GNB1L: variants seen among roughly 807,000 people sequenced by gnomAD.
GNB1L encodes guanine nucleotide-binding protein subunit beta-like protein 1.
A neutral mutation model predicts 29.1 loss-of-function variants in GNB1L; 20 were observed. The ratio of observed to expected loss-of-function variants is 0.69; its 90% CI spans 0.48 to 1.00. GNB1L has a LOEUF of 1.00. Among genes scored for constraint, GNB1L ranks in the 50% least tolerant of loss-of-function variants. The pLI is 0.00. For synonymous variants in GNB1L, 193 were observed against 206.5 expected (o/e 0.93, Z 0.56); for missense variants, 421 against 464.9 (o/e 0.91, Z 0.87).
In GNB1L at chr22:19,802,135, C is replaced by A. The variant is rs372247382; in HGVS notation, c.598G>T (p.Val200Leu). The change falls in exon 7 of 8, where the codon GTG (valine) becomes TTG (leucine). Residue 200 changes from valine to leucine, a missense_variant. By Grantham distance (32) the Val-to-Leu change is conservative. Coordinates refer to ENST00000329517, the MANE Select transcript of GNB1L (RefSeq NM_053004.3). The part of the protein sequence containing the change: ...VVLWDVSEQK[V>L]CSRIACHEEP... ...TCATGGCAGGCGATGCGGCTGCACA[C>A]CTTCTGCTCAGAGACGTCCCACAGG... 2.5e-5 allele frequency: 40 copies of A among 1,613,340 alleles called. No homozygotes were observed. The African/African-American group carries it at 5.2e-4, about 21-fold the overall frequency.
rs1938073460 is a variant in GNB1L, at chr22:19,850,696, CAG to C, written c.-21+3745_-21+3746del. ...CAGCTGGGACAGAAGTCACAGGGAG[CAG>C]AGAGGGTGGGGCTAGGGGGACAGAC... On this transcript the variant is annotated intron_variant, in intron 2 of 7. Transcript: ENST00000329517. The C allele has an allele frequency of 4.1e-6, 5 of 1,233,360 alleles. No homozygotes were observed. In the South Asian group the frequency reaches 2.1e-4, roughly 52 times the overall value. The allele number at this position is 1,233,360 out of a possible 1,614,324, so 76.4% of individuals were successfully genotyped here. A position where few individuals can be genotyped will look rare whatever the true frequency, so the allele number is the denominator to read the frequency against.
At chr22:19,840,930 G>A (rs779388375) in intron 2 of GNB1L, among the ~76,000 whole-genome samples, 2 of 152,164 alleles carry the variant, frequency 1.3e-5, no homozygotes, top group East Asian at 1.9e-4. Context: ...AACAAATCCC[G>A]GTGGAGGAAC....
chr22:19,799,630 C>G (rs1937346111), intron 7 of GNB1L, among the ~76,000 whole-genome samples: 1 of 152,252 alleles, frequency 6.6e-6, no homozygotes, highest in Non-Finnish European at 1.5e-5. Context: ...GGAGACTGAT[C>G]TGGGCTCATC....
chr22:19,799,447 C>T (rs1937343177), intron 7 of GNB1L, among the ~76,000 whole-genome samples: 2 of 152,236 alleles, frequency 1.3e-5, no homozygotes, highest in African/African-American at 2.4e-5. Flanking sequence ...CTGGCCAAGC[C>T]CCAGCCTGGA....
intron 2 of GNB1L, among the ~76,000 whole-genome samples, chr22:19,842,818 C>T (rs1937885067): frequency 6.6e-6 from 1 of 152,220 alleles, no homozygotes; most frequent in Admixed American, 6.5e-5. Context: ...TGTCACCTGG[C>T]CTGGGAAGGA....
At chr22:19,802,246 T>C (rs901814437) in intron 6 of GNB1L, 30 bp from the exon 7 acceptor site, 3 of 1,574,402 alleles carry the variant, frequency 1.9e-6, no homozygotes, top group African/African-American at 1.3e-5. Context: ...AGTCAGCTCC[T>C]GGAAGGACCC....
intron 4 of GNB1L, among the ~76,000 whole-genome samples, chr22:19,818,092 A>C (rs1442909750): frequency 6.6e-6 from 1 of 152,196 alleles, no homozygotes; most frequent in African/African-American, 2.4e-5. Context: ...GTGCAGACGC[A>C]CCTGGCACTC....
chr22:19,796,750 C>A (rs963581966), intron 7 of GNB1L, among the ~76,000 whole-genome samples: 3 of 152,130 alleles, frequency 2.0e-5, no homozygotes, highest in Non-Finnish European at 4.4e-5. Context: ...GAAACAGGCT[C>A]CATGTGGGGC....
chr22:19,811,671 G>A (rs1366226501), intron 5 of GNB1L, among the ~76,000 whole-genome samples: 2 of 152,048 alleles, frequency 1.3e-5, no homozygotes, highest in African/African-American at 4.8e-5. Flanking sequence ...ACCTAACAGT[G>A]GCCTCCCTGC....
chr22:19,813,424 G>A (rs544481907), intron 4 of GNB1L, among the ~76,000 whole-genome samples: 1 of 152,200 alleles, frequency 6.6e-6, no homozygotes, highest in Non-Finnish European at 1.5e-5. Context: ...GTGGCTCAAC[G>A]CCTGTACTCA....
chr22:19,836,634 A>C (rs1046153149), intron 2 of GNB1L, among the ~76,000 whole-genome samples: 64 of 152,354 alleles, frequency 4.2e-4, no homozygotes, highest in African/African-American at 1.4e-3. Flanking sequence ...ACAAATCCTC[A>C]AACAAAATAA....
At chr22:19,849,033 A>C (rs2145903963) in intron 2 of GNB1L, 1 of 985,142 alleles carries the variant, frequency 1.0e-6, no homozygotes, top group Non-Finnish European at 1.2e-6. Context: ...AAAAGGGGGG[A>C]TGGGGCCTGA....
intron 6 of GNB1L, among the ~76,000 whole-genome samples, chr22:19,802,819 T>C (rs894118411): frequency 5.9e-5 from 9 of 152,242 alleles, no homozygotes; most frequent in Non-Finnish European, 1.2e-4. Context: ...GCCCGAGCTC[T>C]TGTGATGAAT....
chr22:19,831,220 C>T (rs778743286), intron 2 of GNB1L, among the ~76,000 whole-genome samples: 2 of 151,638 alleles, frequency 1.3e-5, no homozygotes, highest in Admixed American at 6.6e-5. Context: ...ATTATCTGGG[C>T]GCGGTGGCAA....
At chr22:19,851,875 A>G in intron 2 of GNB1L, 1 of 1,614,028 alleles carries the variant, frequency 6.2e-7, no homozygotes, top group Non-Finnish European at 8.5e-7. Context: ...GATAGTGCTC[A>G]AAGTGGAAGG....
rs73379924 is a variant in GNB1L at position 19,796,952 on chromosome 22, G to A, written c.732+5049C>T. 6.3e-3 allele frequency among the ~76,000 whole-genome samples: 965 copies of A among 152,242 alleles called. 11 individuals carry two copies. Among genetic ancestry groups the A allele is most frequent in the African/African-American group, 0.023 (939 of 41,532 alleles). ...AAAGCAGGGACGGAGCTTTGAATGC[G>A]GCAGAAATTTAAACAATCATCACAA... On this transcript the variant is annotated intron_variant, in intron 7 of 7. Coordinates refer to ENST00000329517, the MANE Select transcript of GNB1L (RefSeq NM_053004.3).
At chr22:19,846,670 G>A (rs1937968702) in intron 2 of GNB1L, 1 of 598,138 alleles carries the variant, frequency 1.7e-6, no homozygotes, top group Non-Finnish European at 2.1e-6. Context: ...GTAATTCAGG[G>A]TTAAATGAGG....
intron 2 of GNB1L, among the ~76,000 whole-genome samples, chr22:19,825,435 C>T (rs937248829): frequency 6.6e-6 from 1 of 151,506 alleles, no homozygotes; most frequent in Non-Finnish European, 1.5e-5. Context: ...GCCTGGGCAA[C>T]ATAGGGAGAC....
chr22:19,845,441 G>C (rs754016221), intron 2 of GNB1L, among the ~76,000 whole-genome samples: 55 of 152,354 alleles, frequency 3.6e-4, no homozygotes, highest in Non-Finnish European at 6.8e-4. Flanking sequence ...GGTGAGGTGG[G>C]CAGCGCAGGC....
Sources: allele counts gnomAD v4.1 joint callset (sites outside exome capture counted in the v4.1 genomes callset), GRCh38; gene constraint gnomAD v4.1.1; transcripts MANE v1.5; gene names NCBI Gene and HGNC (gene_info 2026-07-23, HGNC 2026-07-21).